WDR24: variants seen among roughly 807,000 people sequenced by gnomAD.
The protein encoded by WDR24 is WD repeat domain 24, also known as GATOR2 complex protein WDR24.
WDR24 carries 32 observed loss-of-function variants against 66.7 expected under a neutral mutation model. That is an observed-to-expected ratio of 0.48 (90% CI 0.36 to 0.64). WDR24 has a LOEUF of 0.64. Among genes scored for constraint, WDR24 ranks in the 30% least tolerant of loss-of-function variants. The probability of loss-of-function intolerance (pLI) is 0.00; values close to 1 mark genes in which losing one functional copy is unlikely to be tolerated. For synonymous variants in WDR24, 565 were observed against 469.1 expected, an observed-to-expected ratio of 1.20 and a Z score of -2.64; for missense variants, 978 against 1,144.1, an observed-to-expected ratio of 0.85 and a Z score of 2.09.
In WDR24 at chr16:687,715, A is replaced by ACGTCC; in HGVS notation, c.501_505dup (p.Val169GlyfsTer66). The ACGTCC allele has an allele frequency of 6.2e-7, 1 of 1,613,360 alleles. No individual in the cohort carries two copies. Among genetic ancestry groups the ACGTCC allele is most frequent in the Non-Finnish European group, 8.5e-7 (1 of 1,179,896 alleles). ...GAAGTAGTCCCGGATACTGAACTGC[A>ACGTCC]CGTCCCGCACGCTCTCCGACTGGCC... On this transcript the variant is annotated frameshift_variant, in exon 2 of 9. Coordinates refer to ENST00000293883, the MANE Select transcript of WDR24 (RefSeq NM_032259.4). LOFTEE classifies it high-confidence loss of function.
intron 1 of WDR24, among the ~76,000 whole-genome samples, chr16:688,477 G>C (rs6600230): frequency 1.3e-5 from 2 of 152,344 alleles, no homozygotes; most frequent in South Asian, 4.1e-4. Flanking sequence ...TATTTTTAGT[G>C]GATATGGGGT....
In WDR24 at chr16:686,781, T is replaced by C. The variant is rs1435342403; in HGVS notation, c.1295A>G (p.His432Arg). 6.2e-7 allele frequency: 1 copy of C among 1,608,308 alleles called. No individual in the cohort carries two copies. The highest frequency in any genetic ancestry group is 1.1e-5 in the South Asian group (1 of 90,896). Residue 432 changes from histidine to arginine, a missense_variant, in exon 3 of 9, where the codon CAC (histidine) becomes CGC (arginine). Transcript: ENST00000293883. The part of the protein sequence containing the change: ...AGRPLAELCD[H>R]NAKVARELGR... ...AAGCTCTCGAGCCACCTTTGCGTTGTGGTCACAGAGCTCGGCCAGTGGCCG... is the reference window on the plus strand; with the variant it reads ...AAGCTCTCGAGCCACCTTTGCGTTGCGGTCACAGAGCTCGGCCAGTGGCCG...
rs750841485 is a variant in WDR24, at chr16:685,937, C to T, written c.1505G>A (p.Arg502His). The change falls in exon 5 of 9, where the codon CGC becomes CAC. Residue 502 changes from arginine (R) to histidine (H), a missense_variant. By Grantham distance (29) the Arg-to-His change is conservative. Around this residue, in one of 2 missense-constraint regions of WDR24, gnomAD observed 676 missense variants for 617.5 expected, o/e 1.09. Coordinates refer to ENST00000293883, the MANE Select transcript of WDR24 (RefSeq NM_032259.4). ...GTCGCTCCGTGCATCTCCTTTGCTGCGGTCCAGCCGCGTCTCACTGCCCAA... is the reference window on the plus strand; with the variant it reads ...GTCGCTCCGTGCATCTCCTTTGCTGTGGTCCAGCCGCGTCTCACTGCCCAA... ...PGLGSETRLDRSKGDARSDTV... is the reference protein window; with the variant it reads ...PGLGSETRLDHSKGDARSDTV... The T allele has an allele frequency of 6.8e-6, 11 of 1,612,982 alleles. No individual in the cohort carries two copies. Among genetic ancestry groups the T allele is most frequent in the South Asian group, 5.5e-5 (5 of 91,086 alleles).
At chr16:688,865 G>C in intron 1 of WDR24, 1 of 443,478 alleles carries the variant, frequency 2.3e-6, no homozygotes, top group South Asian at 2.4e-5. Flanking sequence ...GTGGCTCTCT[G>C]CTCACCACCC....
chr16:689,066 G>C, intron 1 of WDR24, 94 bp downstream of exon 1: 2 of 1,544,604 alleles, frequency 1.3e-6, no homozygotes, highest in Non-Finnish European at 1.7e-6. Flanking sequence ...TGATCCTGAG[G>C]GCCTCTGATG....
chr16:685,036 G>T lies in WDR24; in HGVS notation c.2160C>A (p.Ser720Arg), dbSNP rs1284760062. 1.3e-6 allele frequency: 2 copies of T among 1,557,222 alleles called. No individual in the cohort carries two copies. Among genetic ancestry groups the T allele is most frequent in the Non-Finnish European group, 1.7e-6 (2 of 1,152,608 alleles). ...QASTTLHVNC[S>R]HCKRPMSSRG... Reference sequence around the variant, plus strand: ...GGCTGCTCATGGGCCGCTTGCAGTGGCTGCAGTTGACGTGCAGGGTGGTGG... The same window carrying T: ...GGCTGCTCATGGGCCGCTTGCAGTGTCTGCAGTTGACGTGCAGGGTGGTGG... Residue 720 changes from serine to arginine, a missense_variant, in exon 8 of 9, where the codon AGC becomes AGA. By Grantham distance (110) the Ser-to-Arg change is moderately radical. This residue lies in a region of WDR24 where 676 missense variants were observed against 617.5 expected (regional missense o/e 1.09). Transcript: ENST00000293883.
In WDR24 at chr16:689,860, T is replaced by C. The variant is rs2039946910; in HGVS notation, c.-220A>G. The C allele has an allele frequency of 2.6e-6, 2 of 778,560 alleles. No homozygotes were observed. The highest frequency in any genetic ancestry group is 2.0e-5 in the Admixed American group (1 of 49,878). 48.2% of individuals were successfully genotyped at this position (778,560 alleles called of 1,614,324 possible). ...CACTGGAGTCTGTCAGTCCAGCCCA[T>C]CACCCTGGCTGAGCGGTGAGGGGAC... On this transcript the variant is annotated 5_prime_UTR_variant, in exon 1 of 9. The change abolishes an upstream ATG in the 5' untranslated region. Coordinates refer to ENST00000293883, the MANE Select transcript of WDR24 (RefSeq NM_032259.4).
chr16:684,676 C>T lies in WDR24; in HGVS notation c.*58G>A. 6.7e-7 allele frequency: 1 copy of T among 1,502,704 alleles called. No individual in the cohort carries two copies. Among genetic ancestry groups the T allele is most frequent in the Non-Finnish European group, 8.9e-7 (1 of 1,127,658 alleles). 93.1% of individuals were successfully genotyped at this position (1,502,704 alleles called of 1,614,324 possible). A position where few individuals can be genotyped will look rare whatever the true frequency, so the allele number is the denominator to read the frequency against. On this transcript the variant is annotated 3_prime_UTR_variant, in exon 9 of 9. Coordinates refer to ENST00000293883, the MANE Select transcript of WDR24 (RefSeq NM_032259.4). Reference sequence around the variant, plus strand: ...AGTTCCAGCCTCCGCCCGTCTCGGGCACAAGACCAGGCGGGGTTCTGCACG... The same window carrying T: ...AGTTCCAGCCTCCGCCCGTCTCGGGTACAAGACCAGGCGGGGTTCTGCACG...
At chr16:688,589 G>C (rs2039935129) in intron 1 of WDR24, among the ~76,000 whole-genome samples, 1 of 152,230 alleles carries the variant, frequency 6.6e-6, no homozygotes, top group Non-Finnish European at 1.5e-5. Context: ...ACCGCGCCCT[G>C]CCAGGATCTG....
rs749929495 is a variant in WDR24 at position 685,479 on chromosome 16, G to A, written c.1797C>T (p.Gly599=). Residue 599 remains glycine (G), a synonymous_variant, in exon 7 of 9, where the codon GGC becomes GGT. Coordinates refer to ENST00000293883, the MANE Select transcript of WDR24 (RefSeq NM_032259.4). ...QDKADSPHVS[G]SEADVASLAP... ...CCAGGGAGGCCACATCCGCCTCGCT[G>A]CCGCTCACGTGCGGGGAGTCGGCCT... The A allele has an allele frequency of 2.5e-6, 4 of 1,601,320 alleles. No homozygotes were observed. In the South Asian group the frequency reaches 4.4e-5, roughly 18 times the overall value.
chr16:685,923 C>A lies in WDR24; in HGVS notation c.1519G>T (p.Ala507Ser). 1 of 1,613,188 alleles carries A rather than the reference C, an allele frequency of 6.2e-7. No individual in the cohort carries two copies. The highest frequency in any genetic ancestry group is 1.1e-5 in the South Asian group (1 of 91,082). ...ETRLDRSKGDARSDTVLLDSS... is the reference protein window; with the variant it reads ...ETRLDRSKGDSRSDTVLLDSS... The stretch of plus-strand genomic sequence containing the variant: ...TCGAGCAGAACTGTGTCGCTCCGTG[C>A]ATCTCCTTTGCTGCGGTCCAGCCGC... Residue 507 changes from alanine (A) to serine (S), a missense_variant, in exon 5 of 9, where the codon GCA becomes TCA. Physicochemically the swap from Ala to Ser is moderately conservative, Grantham distance 99. This residue lies in a region of WDR24 where 676 missense variants were observed against 617.5 expected (regional missense o/e 1.09). Transcript: ENST00000293883.
intron 3 of WDR24, among the ~76,000 whole-genome samples, 179 bp from the exon 4 acceptor site, chr16:686,365 C>T (rs898848093): frequency 2.6e-5 from 4 of 152,336 alleles, no homozygotes; most frequent in Non-Finnish European, 2.9e-5. Flanking sequence ...CCGGTCCCCG[C>T]CCTACAGCAG....
At position 685,681 on chromosome 16, in the gene WDR24, T is replaced by C; in HGVS notation, c.1676A>G (p.His559Arg). ...ELYLLDPEHAHPEDPECVLPQ... is the reference protein window; with the variant it reads ...ELYLLDPEHARPEDPECVLPQ... ...ACCCTGCCCGGACCCCCACTCACGGTGCGCGTGTTCCGGATCCAGCAGGTA... is the reference window on the plus strand; with the variant it reads ...ACCCTGCCCGGACCCCCACTCACGGCGCGCGTGTTCCGGATCCAGCAGGTA... The change falls in exon 6 of 9, where the codon CAC becomes CGC. Residue 559 changes from histidine to arginine, a missense_variant and splice_region_variant. By Grantham distance (29) the His-to-Arg change is conservative. Transcript: ENST00000293883. 4 of 1,612,976 alleles carry C rather than the reference T, an allele frequency of 2.5e-6. No homozygotes were observed. The highest frequency in any genetic ancestry group is 3.4e-6 in the Non-Finnish European group (4 of 1,180,002).
rs2039886737 is a variant in WDR24, at chr16:685,534, G to A, written c.1742C>T (p.Thr581Met). 3 of 1,587,218 alleles carry A rather than the reference G, an allele frequency of 1.9e-6. No homozygotes were observed. Among genetic ancestry groups the A allele is most frequent in the Admixed American group, 3.4e-5 (2 of 59,120 alleles). The change falls in exon 7 of 9, where the codon ACG becomes ATG. Residue 581 changes from threonine to methionine, a missense_variant. Coordinates refer to ENST00000293883, the MANE Select transcript of WDR24 (RefSeq NM_032259.4). ...AFPLRHEIVD[T>M]PPGPEHLQDK... ...CTGCAGGTGCTCGGGCCCGGGAGGC[G>A]TGTCCACGATCTCGTGGCGCAGCGG...
chr16:687,841 G>A (rs754980768), intron 1 of WDR24, 102 bp from the exon 2 acceptor site: 123 of 1,453,314 alleles, frequency 8.5e-5, no homozygotes, highest in Non-Finnish European at 1.1e-4. Context: ...CTGTGGCCCA[G>A]AACAGAGGCC....
chr16:685,719 C>T lies in WDR24; in HGVS notation c.1638G>A (p.Glu546=). 1 of 1,613,300 alleles carries T rather than the reference C, an allele frequency of 6.2e-7. No homozygotes were observed. Among genetic ancestry groups the T allele is most frequent in the South Asian group, 1.1e-5 (1 of 91,088 alleles). The change falls in exon 6 of 9, where the codon GAG becomes GAA. Residue 546 remains glutamate, a synonymous_variant. Transcript: ENST00000293883. ...ADYLLGDVEG[E]EDELYLLDPE... is the part of the protein sequence containing the mutation. ...GATCCAGCAGGTACAGCTCGTCCTC[C>T]TCACCTTCCACGTCACCCAGCAGGT... is the stretch of plus-strand genomic sequence containing the variant.
In WDR24 at chr16:685,786, G is replaced by A; in HGVS notation, c.1574-3C>T. ...GCTGCCCTCGGTTTCCTCGTTATCT[G>A]CCCGACAATGGGGCGGGCATTCAGG... On this transcript the variant is annotated splice_polypyrimidine_tract_variant and splice_region_variant and intron_variant, in intron 5 of 8. Coordinates refer to ENST00000293883, the MANE Select transcript of WDR24 (RefSeq NM_032259.4). 5.6e-6 allele frequency: 9 copies of A among 1,613,156 alleles called. No homozygotes were observed. The highest frequency in any genetic ancestry group is 1.6e-4 in the Middle Eastern group (1 of 6,062).
chr16:688,090 G>T (rs1596567703), intron 1 of WDR24: 1 of 480,248 alleles, frequency 2.1e-6, no homozygotes, highest in Non-Finnish European at 4.1e-6. Flanking sequence ...CCACTCCCGT[G>T]GCCCTGTGGG....
chr16:685,596 G>A lies in WDR24; in HGVS notation c.1680C>T (p.Pro560=), dbSNP rs202245428. The A allele has an allele frequency of 1.0e-5, 16 of 1,599,852 alleles. No individual in the cohort carries two copies. In the Admixed American group the frequency reaches 2.2e-4, roughly 22 times the overall value. The change falls in exon 7 of 9, where the codon CCC becomes CCT. Residue 560 remains proline (P), a splice_region_variant and synonymous_variant. Coordinates refer to ENST00000293883, the MANE Select transcript of WDR24 (RefSeq NM_032259.4). ...LYLLDPEHAH[P]EDPECVLPQE... ...GCGGCAGCACGCACTCAGGGTCCTCGGCTGGAAGGCAGGGACCAGCGGAGG... is the reference window on the plus strand; with the variant it reads ...GCGGCAGCACGCACTCAGGGTCCTCAGCTGGAAGGCAGGGACCAGCGGAGG...
Sources: gnomAD v4.1 joint callset for allele counts (sites outside exome capture counted in the v4.1 genomes callset) on GRCh38, gnomAD v4.1.1 for gene constraint, gnomAD v4.1.1 regional missense constraint, MANE v1.5 for transcripts, NCBI Gene and HGNC (gene_info 2026-07-23, HGNC 2026-07-21) for gene names.